The following NLGN1 variants were observed in gnomAD, a reference collection of about 807,000 sequenced individuals.
NLGN1 encodes neuroligin-1.
A neutral mutation model predicts 65.5 loss-of-function variants in NLGN1; 12 were observed. That is an observed-to-expected ratio of 0.18 (90% confidence interval 0.12 to 0.30). The LOEUF is 0.30. NLGN1 is among the 10% of genes least tolerant of loss of function. The probability of loss-of-function intolerance (pLI) is 1.00; values close to 1 mark genes in which losing one functional copy is unlikely to be tolerated. For synonymous variants in NLGN1, 350 were observed against 359.5 expected, an observed-to-expected ratio of 0.97 and a Z score of 0.30; for missense variants, 750 against 1,007.1, an observed-to-expected ratio of 0.74 and a Z score of 3.46.
intron 2 of NLGN1, among the ~76,000 whole-genome samples, chr3:173,524,478 G>A (rs1735303229): frequency 6.6e-6 from 1 of 152,108 alleles, no homozygotes; most frequent in African/African-American, 2.4e-5. Flanking sequence ...AATCTTAAGG[G>A]TTGTCCGTGT....
chr3:173,600,566 A>T (rs1480225367), intron 2 of NLGN1, among the ~76,000 whole-genome samples: 1 of 102,492 alleles, frequency 9.8e-6, no homozygotes, highest in Non-Finnish European at 2.1e-5. Context: ...ACAAGAAAAC[A>T]AAGCAAGGTA....
intron 4 of NLGN1, among the ~76,000 whole-genome samples, chr3:173,813,464 G>C (rs1051245578): frequency 2.0e-5 from 3 of 152,194 alleles, no homozygotes; most frequent in African/African-American, 4.8e-5. Context: ...ATAGAGTCCA[G>C]ACTGTTTTCA....
chr3:174,097,842 C>T (rs1383370635), intron 4 of NLGN1, among the ~76,000 whole-genome samples: 1 of 152,158 alleles, frequency 6.6e-6, no homozygotes, highest in Non-Finnish European at 1.5e-5. Flanking sequence ...CTCATTATCA[C>T]TCCAACACCA....
At chr3:174,117,409 G>A (rs1176423624) in intron 4 of NLGN1, among the ~76,000 whole-genome samples, 1 of 151,944 alleles carries the variant, frequency 6.6e-6, no homozygotes, top group Non-Finnish European at 1.5e-5. Context: ...TAGGTCAGGA[G>A]ATCGAGACCA....
chr3:173,753,943 TA>T (rs370191018), intron 3 of NLGN1, among the ~76,000 whole-genome samples: 4 of 54,416 alleles, frequency 7.4e-5, no homozygotes, highest in African/African-American at 1.7e-4. Flanking sequence ...TATAATATAA[TA>T]ATAATATAAT....
intron 4 of NLGN1, among the ~76,000 whole-genome samples, chr3:174,107,095 G>A (rs1328898437): frequency 1.3e-5 from 2 of 149,466 alleles, no homozygotes. Flanking sequence ...TACTTCAGTT[G>A]TCACATAAAG....
intron 3 of NLGN1, among the ~76,000 whole-genome samples, chr3:173,778,155 GT>G (rs529856873): frequency 6.6e-6 from 1 of 151,478 alleles, no homozygotes; most frequent in South Asian, 2.1e-4. Context: ...TTTAGTGTCT[GT>G]TTTTTTAAAA....
intron 3 of NLGN1, among the ~76,000 whole-genome samples, chr3:173,755,733 G>T (rs931953360): frequency 1.3e-5 from 2 of 152,008 alleles, no homozygotes; most frequent in East Asian, 3.9e-4. Flanking sequence ...AACATAAAGC[G>T]CAATGTAAAG....
chr3:174,154,970 AT>A (rs1325463479), intron 4 of NLGN1, among the ~76,000 whole-genome samples: 4 of 136,084 alleles, frequency 2.9e-5, no homozygotes, highest in Admixed American at 7.6e-5. Context: ...ATATAATTAT[AT>A]ATAATATATT....
At chr3:174,134,809 C>G (rs572599888) in intron 4 of NLGN1, among the ~76,000 whole-genome samples, 1 of 152,120 alleles carries the variant, frequency 6.6e-6, no homozygotes, top group Non-Finnish European at 1.5e-5. Context: ...AGTGGAGACA[C>G]AAGTGGGTGC....
At chr3:173,783,281 A>G (rs1026227581) in intron 3 of NLGN1, among the ~76,000 whole-genome samples, 1 of 152,246 alleles carries the variant, frequency 6.6e-6, no homozygotes. Flanking sequence ...TCAAAAATCC[A>G]TAGTTGAGGC....
At chr3:173,449,695 T>C (rs1721105549) in intron 2 of NLGN1, among the ~76,000 whole-genome samples, 1 of 152,106 alleles carries the variant, frequency 6.6e-6, no homozygotes, top group South Asian at 2.1e-4. Flanking sequence ...TGTGTGGGAG[T>C]CTAAGTTCTT....
At chr3:173,979,232 T>G (rs1367321092) in intron 4 of NLGN1, among the ~76,000 whole-genome samples, 1 of 151,768 alleles carries the variant, frequency 6.6e-6, no homozygotes. Flanking sequence ...AAGAACAGAT[T>G]GTAAAGAGAA....
intron 4 of NLGN1, among the ~76,000 whole-genome samples, chr3:174,239,504 C>T (rs140383634): frequency 6.6e-6 from 1 of 152,252 alleles, no homozygotes; most frequent in Non-Finnish European, 1.5e-5. Context: ...TTCAGCTATT[C>T]CTAATTGCAT....
intron 2 of NLGN1, among the ~76,000 whole-genome samples, chr3:173,535,318 A>C (rs1737254791): frequency 6.6e-6 from 1 of 152,206 alleles, no homozygotes; most frequent in South Asian, 2.1e-4. Context: ...ATTTGTTAAC[A>C]TATGAAGGCA....
chr3:173,869,915 C>G (rs1448056890), intron 4 of NLGN1, among the ~76,000 whole-genome samples: 1 of 152,114 alleles, frequency 6.6e-6, no homozygotes, highest in Non-Finnish European at 1.5e-5. Context: ...GCAGAGGCAT[C>G]TGATTCAGAT....
intron 4 of NLGN1, among the ~76,000 whole-genome samples, chr3:174,091,608 A>G (rs1308578603): frequency 6.6e-6 from 1 of 152,200 alleles, no homozygotes; most frequent in African/African-American, 2.4e-5. Context: ...CTGTTTTTAA[A>G]CATAGGTTGA....
At chr3:173,944,743 T>G (rs13081434) in intron 4 of NLGN1, among the ~76,000 whole-genome samples, 38,263 of 152,086 alleles carry the variant, frequency 0.25, 5,032 homozygotes, top group East Asian at 0.34. Context: ...TGCTCCTTTC[T>G]GGTCTGATAA....
At chr3:173,397,190 G>T (rs532623669), upstream of NLGN1, among the ~76,000 whole-genome samples, 5 of 152,192 alleles carry the variant, frequency 3.3e-5, no homozygotes, top group South Asian at 1.0e-3. Context: ...ATCTCAGGAG[G>T]AGTCCACAGT....
Sources: allele counts gnomAD v4.1 joint callset (sites outside exome capture counted in the v4.1 genomes callset), GRCh38; gene constraint gnomAD v4.1.1; transcripts MANE v1.5; gene names NCBI Gene and HGNC (gene_info 2026-07-23, HGNC 2026-07-21).